The following PAM variants were observed in gnomAD, a reference collection of about 807,000 sequenced individuals.
PAM encodes the protein peptidyl-glycine alpha-amidating monooxygenase.
In PAM, 72 loss-of-function variants were observed where a neutral mutation model predicts 122.1. The ratio of observed to expected loss-of-function variants is 0.59; its 90% CI spans 0.49 to 0.72. PAM has a LOEUF of 0.72. PAM is among the 30% of genes least tolerant of loss of function. The probability of loss-of-function intolerance (pLI) is 0.00; values close to 1 mark genes in which losing one functional copy is unlikely to be tolerated. For missense variants in PAM, 1,106 were observed against 1,183.7 expected (o/e 0.93, Z 0.96); for synonymous variants, 389 against 404.4 (o/e 0.96, Z 0.46).
chr5:102,828,359 A>G (rs1774294809), intron 1 of PAM, among the ~76,000 whole-genome samples: 1 of 151,932 alleles, frequency 6.6e-6, no homozygotes, highest in South Asian at 2.1e-4. Flanking sequence ...AAAAAAAAAA[A>G]AGTTATATTC....
At chr5:102,989,453 G>A (rs959624390) in intron 15 of PAM, among the ~76,000 whole-genome samples, 7 of 152,166 alleles carry the variant, frequency 4.6e-5, no homozygotes, top group African/African-American at 1.7e-4. Flanking sequence ...GCTTCAGTGA[G>A]CTGTGACTGT....
intron 4 of PAM, among the ~76,000 whole-genome samples, chr5:102,904,310 C>T (rs944829411): frequency 6.6e-6 from 1 of 151,442 alleles, no homozygotes; most frequent in African/African-American, 2.4e-5. Flanking sequence ...TTTGTTTATT[C>T]TTTCCTTAAG....
At chr5:102,795,189 C>CAAAAAAAAAAAAAAAA (rs33988105) in intron 1 of PAM, among the ~76,000 whole-genome samples, 39 of 59,658 alleles carry the variant, frequency 6.5e-4, no homozygotes, top group East Asian at 4.6e-3. Flanking sequence ...GACAATGTCT[C>CAAAAAAAAAAAAAAAA]AAAAAAAAAA....
chr5:102,984,203 A>G (rs1030803113), intron 15 of PAM, among the ~76,000 whole-genome samples: 6 of 152,184 alleles, frequency 3.9e-5, no homozygotes, highest in Non-Finnish European at 8.8e-5. Flanking sequence ...AACAACCAGA[A>G]AACAATTAAC....
At chr5:102,850,276 T>C (rs1561626858) in intron 1 of PAM, among the ~76,000 whole-genome samples, 1 of 152,184 alleles carries the variant, frequency 6.6e-6, no homozygotes, top group Non-Finnish European at 1.5e-5. Context: ...TTAGCAAACA[T>C]AGTGCATTGA....
At chr5:102,777,842 T>C (rs1231956198) in intron 1 of PAM, among the ~76,000 whole-genome samples, 1 of 152,192 alleles carries the variant, frequency 6.6e-6, no homozygotes, top group Non-Finnish European at 1.5e-5. Flanking sequence ...TGTTTTCTGT[T>C]TTTACGGATT....
At chr5:102,804,032 T>G (rs2150123768) in intron 1 of PAM, among the ~76,000 whole-genome samples, 1 of 151,724 alleles carries the variant, frequency 6.6e-6, no homozygotes, top group Middle Eastern at 3.4e-3. Flanking sequence ...AGTGTGAGGG[T>G]TGCAGGGGGG....
chr5:102,966,922 G>A (rs189184286), intron 14 of PAM, among the ~76,000 whole-genome samples: 2 of 152,020 alleles, frequency 1.3e-5, no homozygotes. Flanking sequence ...GTTCTGAGAG[G>A]TATTTGATCA....
At chr5:102,862,620 C>A (rs1350685879) in intron 1 of PAM, among the ~76,000 whole-genome samples, 1 of 152,158 alleles carries the variant, frequency 6.6e-6, no homozygotes, top group Non-Finnish European at 1.5e-5. Flanking sequence ...TTGATTATCA[C>A]CGTCCCCAGC....
chr5:102,960,171 A>T (rs1310539983), intron 13 of PAM, 112 bp downstream of exon 13: 2 of 593,672 alleles, frequency 3.4e-6, no homozygotes, highest in African/African-American at 3.8e-5. Flanking sequence ...TCTACCAGTC[A>T]CATGTACACA....
chr5:102,758,073 G>GTTTTTTTTTTTT (rs1168917285), intron 1 of PAM, among the ~76,000 whole-genome samples: 7 of 24,808 alleles, frequency 2.8e-4, no homozygotes, highest in Non-Finnish European at 5.4e-4. Context: ...TTAGAATTTT[G>GTTTTTTTTTTTT]TTTTTTTTTT....
chr5:102,923,392 A>C (rs1748138352), intron 5 of PAM, among the ~76,000 whole-genome samples: 1 of 152,284 alleles, frequency 6.6e-6, no homozygotes, highest in South Asian at 2.1e-4. Context: ...GGTCAGGGGC[A>C]GTGTACATTT....
intron 7 of PAM, among the ~76,000 whole-genome samples, chr5:102,936,727 C>T (rs1378083930): frequency 6.6e-6 from 1 of 152,154 alleles, no homozygotes; most frequent in East Asian, 1.9e-4. Flanking sequence ...CTGTAACAAA[C>T]ATATAAACAC....
At chr5:102,942,953 C>G (rs995763200) in intron 7 of PAM, among the ~76,000 whole-genome samples, 2 of 152,022 alleles carry the variant, frequency 1.3e-5, no homozygotes, top group Non-Finnish European at 2.9e-5. Flanking sequence ...TTAGTACCTC[C>G]TTAAAGAAAG....
chr5:102,989,796 T>TTAGATAGACAGATAGATAGATAGA (rs148767388), intron 15 of PAM: 7 of 147,856 alleles, frequency 4.7e-5, no homozygotes, highest in African/African-American at 1.8e-4. Context: ...AGATGATAGA[T>TTAGATAGACAGATAGATAGATAGA]TAGATAGATA....
At chr5:102,835,554 A>G (rs1776785892) in intron 1 of PAM, among the ~76,000 whole-genome samples, 1 of 152,118 alleles carries the variant, frequency 6.6e-6, no homozygotes, top group African/African-American at 2.4e-5. Context: ...GTATACAAAA[A>G]CTGGAAGAAC....
chr5:102,805,975 C>T (rs377084256), intron 1 of PAM, among the ~76,000 whole-genome samples: 2 of 152,064 alleles, frequency 1.3e-5, no homozygotes, highest in Non-Finnish European at 2.9e-5. Context: ...TCCATATTTC[C>T]TTCAGCCATT....
intron 1 of PAM, among the ~76,000 whole-genome samples, chr5:102,776,040 G>T (rs1757085773): frequency 6.6e-6 from 1 of 152,060 alleles, no homozygotes; most frequent in Non-Finnish European, 1.5e-5. Flanking sequence ...ATTCTGACTG[G>T]CATGAGATGG....
chr5:102,880,967 A>G (rs1790777619), intron 3 of PAM, among the ~76,000 whole-genome samples: 1 of 152,116 alleles, frequency 6.6e-6, no homozygotes, highest in Non-Finnish European at 1.5e-5. Context: ...AGGAATTTTT[A>G]GACACTGTTA....
Sources: allele counts gnomAD v4.1 joint callset (sites outside exome capture counted in the v4.1 genomes callset), GRCh38; gene constraint gnomAD v4.1.1; transcripts MANE v1.5; gene names NCBI Gene and HGNC (gene_info 2026-07-23, HGNC 2026-07-21).